CAST: variants seen among roughly 807,000 people sequenced by gnomAD.
The protein encoded by CAST is calpastatin.
In CAST, 76 loss-of-function variants were observed where a neutral mutation model predicts 119.6. The observed-to-expected ratio is 0.64, with a 90% confidence interval of 0.53 to 0.77. The LOEUF is 0.77. Among genes scored for constraint, CAST ranks in the 30% least tolerant of loss-of-function variants. The pLI, the probability that CAST is intolerant of heterozygous loss-of-function variation, is 0.00. For synonymous variants in CAST, 319 were observed against 331.6 expected, an observed-to-expected ratio of 0.96 and a Z score of 0.41; for missense variants, 953 against 946.5, an observed-to-expected ratio of 1.01 and a Z score of -0.09.
the CAST span, among the ~76,000 whole-genome samples, chr5:96,492,515 A>G: frequency 6.6e-6 from 1 of 152,226 alleles, no homozygotes; most frequent in East Asian, 1.9e-4. Context: ...CTAAGAAAAC[A>G]TTGTCATCAA....
chr5:96,636,884 C>T (rs1056753202), intron 1 of CAST, among the ~76,000 whole-genome samples: 4 of 147,602 alleles, frequency 2.7e-5, no homozygotes, highest in Non-Finnish European at 5.9e-5. Context: ...AACATCACAT[C>T]ACTCGTGGGG....
At chr5:96,419,399 T>C in the CAST span, among the ~76,000 whole-genome samples, 10 of 136,988 alleles carry the variant, frequency 7.3e-5, no homozygotes, top group Non-Finnish European at 1.6e-4. Context: ...TATATATATA[T>C]AAACTCACTT....
intron 25 of CAST, among the ~76,000 whole-genome samples, chr5:96,764,519 A>G (rs573536804): frequency 2.4e-4 from 36 of 152,220 alleles, no homozygotes; most frequent in Non-Finnish European, 5.0e-4. Context: ...CCACCAGTTC[A>G]GAAATTCTCT....
chr5:96,675,643 A>G (rs758356777), intron 2 of CAST, 42 bp downstream of exon 2: 38 of 1,413,582 alleles, frequency 2.7e-5, no homozygotes, highest in African/African-American at 4.3e-5. Flanking sequence ...TCTTGCTTTT[A>G]AACTGTGAAG....
the CAST span, among the ~76,000 whole-genome samples, chr5:96,496,440 G>A: frequency 1.3e-5 from 2 of 152,114 alleles, no homozygotes; most frequent in African/African-American, 4.8e-5. Context: ...AGATAGAGGT[G>A]GAATTTCTGT....
the CAST span, among the ~76,000 whole-genome samples, chr5:96,171,759 AAG>A: frequency 6.6e-6 from 1 of 152,198 alleles, no homozygotes; most frequent in African/African-American, 2.4e-5. Flanking sequence ...GAGGGATAGA[AAG>A]AGAGGTTGGA....
At chr5:96,134,600 C>A in the CAST span, among the ~76,000 whole-genome samples, 1 of 152,128 alleles carries the variant, frequency 6.6e-6, no homozygotes, top group African/African-American at 2.4e-5. Flanking sequence ...AAGGGCTACA[C>A]AAAAGTCAAG....
the CAST span, among the ~76,000 whole-genome samples, chr5:95,975,274 G>A: frequency 6.6e-6 from 1 of 152,154 alleles, no homozygotes; most frequent in African/African-American, 2.4e-5. Context: ...TTTTATCTTT[G>A]GGTTGGCGAT....
intron 1 of CAST, among the ~76,000 whole-genome samples, chr5:96,578,231 A>T (rs1191958074): frequency 6.6e-6 from 1 of 151,964 alleles, no homozygotes; most frequent in African/African-American, 2.4e-5. Flanking sequence ...ATCAGATATA[A>T]ATATAGCCAA....
chr5:96,585,804 C>A (rs1350641283), intron 1 of CAST, among the ~76,000 whole-genome samples: 1 of 152,108 alleles, frequency 6.6e-6, no homozygotes, highest in Non-Finnish European at 1.5e-5. Context: ...TAAATAATAG[C>A]CAAGCAATGG....
the CAST span, among the ~76,000 whole-genome samples, chr5:96,344,660 T>G: frequency 6.6e-6 from 1 of 152,148 alleles, no homozygotes; most frequent in Non-Finnish European, 1.5e-5. Context: ...TTGCTTAAGT[T>G]TGTGGGGGAT....
the CAST span, among the ~76,000 whole-genome samples, chr5:96,465,218 A>G: frequency 1.3e-5 from 2 of 151,964 alleles, no homozygotes; most frequent in African/African-American, 4.8e-5. Flanking sequence ...TTTGTCATTT[A>G]CAAATAAAAT....
the CAST span, among the ~76,000 whole-genome samples, chr5:96,407,125 A>AT: frequency 6.6e-6 from 1 of 152,198 alleles, no homozygotes; most frequent in African/African-American, 2.4e-5. Flanking sequence ...GGTTGTGAAG[A>AT]TTTTTTCTGA....
At chr5:96,478,565 C>T in the CAST span, among the ~76,000 whole-genome samples, 1 of 152,360 alleles carries the variant, frequency 6.6e-6, no homozygotes, top group East Asian at 1.9e-4. Context: ...TCACTCTTTG[C>T]TCTTTCTGTT....
In CAST at chr5:96,727,489, G is replaced by T; in HGVS notation, c.337G>T (p.Ala113Ser). The change falls in exon 6 of 32, where the codon GCT (alanine) becomes TCT (serine). Residue 113 changes from alanine (A) to serine (S), a missense_variant and splice_region_variant. Transcript: ENST00000675179. Reference protein sequence around the residue: ...LPNKKKHKKQAVKTEPEKKSQ... With the variant: ...LPNKKKHKKQSVKTEPEKKSQ... ...TTTCTTTCTTTTTTTCTGAACTTAG[G>T]CTGTAAAAACAGAACCTGAGAAGAA... 4 of 1,532,770 alleles carry T rather than the reference G, an allele frequency of 2.6e-6. No individual in the cohort carries two copies. The highest frequency in any genetic ancestry group is 3.6e-6 in the Non-Finnish European group (4 of 1,123,350). The allele number at this position is 1,532,770 out of a possible 1,614,324, so 94.9% of individuals were successfully genotyped here.
At chr5:96,067,972 C>T in the CAST span, among the ~76,000 whole-genome samples, 43 of 152,110 alleles carry the variant, frequency 2.8e-4, no homozygotes, top group Middle Eastern at 3.4e-3. Context: ...GCCAGGAACC[C>T]ACAGCAGCTG....
At chr5:96,441,194 G>C in the CAST span, among the ~76,000 whole-genome samples, 3 of 152,152 alleles carry the variant, frequency 2.0e-5, no homozygotes, top group Non-Finnish European at 4.4e-5. Context: ...ACACAAGTTT[G>C]TCAAATTCTG....
the CAST span, chr5:95,962,177 T>G: frequency 3.6e-6 from 1 of 278,680 alleles, no homozygotes; most frequent in Non-Finnish European, 6.7e-6. Flanking sequence ...CCTGGTCTGG[T>G]TACCTGGAGT....
At chr5:96,694,975 T>C (rs1434968253) in intron 2 of CAST, among the ~76,000 whole-genome samples, 1 of 152,164 alleles carries the variant, frequency 6.6e-6, no homozygotes, top group Non-Finnish European at 1.5e-5. Context: ...AATGAAGTGT[T>C]TTTCTAGGAC....
Sources: allele counts gnomAD v4.1 joint callset (sites outside exome capture counted in the v4.1 genomes callset), GRCh38; gene constraint gnomAD v4.1.1; transcripts MANE v1.5; gene names NCBI Gene and HGNC (gene_info 2026-07-23, HGNC 2026-07-21).